SUSD3: variants seen among roughly 807,000 people sequenced by gnomAD.
SUSD3 encodes the protein sushi domain-containing protein 3.
SUSD3 carries 18 observed loss-of-function variants against 20.6 expected under a neutral mutation model. The ratio of observed to expected loss-of-function variants is 0.87; its 90% confidence interval spans 0.60 to 1.30. The LOEUF is 1.30. Ranked by LOEUF, SUSD3 falls within the 50% of genes most tolerant of loss-of-function variation. The pLI, the probability that SUSD3 is intolerant of heterozygous loss-of-function variation, is 0.00. For synonymous variants in SUSD3, 137 were observed against 141.5 expected (o/e 0.97, Z 0.23); for missense variants, 306 against 346.9 (o/e 0.88, Z 0.94).
At chr9:93,060,814 G>A (rs942149985) in intron 1 of SUSD3, among the ~76,000 whole-genome samples, 1 of 152,178 alleles carries the variant, frequency 6.6e-6, no homozygotes. Flanking sequence ...TCCACCCTGG[G>A]CAACAGAGCG....
intron 1 of SUSD3, among the ~76,000 whole-genome samples, chr9:93,060,732 A>G (rs1825472302): frequency 6.6e-6 from 1 of 152,032 alleles, no homozygotes; most frequent in African/African-American, 2.4e-5. Context: ...GCTATTCGGG[A>G]GGCTGAAAGG....
At chr9:93,070,220 C>T (rs187910596) in intron 1 of SUSD3, among the ~76,000 whole-genome samples, 2 of 152,242 alleles carry the variant, frequency 1.3e-5, no homozygotes, top group Non-Finnish European at 2.9e-5. Context: ...TCTTAGACAC[C>T]GCATCTAGTG....
intron 1 of SUSD3, among the ~76,000 whole-genome samples, chr9:93,065,893 C>T (rs1825691049): frequency 6.6e-6 from 1 of 152,236 alleles, no homozygotes; most frequent in African/African-American, 2.4e-5. Flanking sequence ...AATTCAAGTC[C>T]TAGCTGTGCC....
chr9:93,083,517 A>G (rs374393291), intron 4 of SUSD3, among the ~76,000 whole-genome samples: 2 of 152,320 alleles, frequency 1.3e-5, no homozygotes, highest in East Asian at 1.9e-4. Context: ...AGCACTTGCA[A>G]TGTGCCAGGC....
At chr9:93,083,519 G>T (rs1164162022) in intron 4 of SUSD3, among the ~76,000 whole-genome samples, 6 of 152,234 alleles carry the variant, frequency 3.9e-5, no homozygotes, top group African/African-American at 1.4e-4. Context: ...CACTTGCAAT[G>T]TGCCAGGCAC....
At chr9:93,061,512 C>A (rs528816220) in intron 1 of SUSD3, among the ~76,000 whole-genome samples, 6 of 152,384 alleles carry the variant, frequency 3.9e-5, no homozygotes, top group African/African-American at 1.4e-4. Context: ...GGATTGTGTG[C>A]TTTCCACATC....
At chr9:93,081,816 CCT>C (rs1826427315) in intron 4 of SUSD3, among the ~76,000 whole-genome samples, 1 of 152,162 alleles carries the variant, frequency 6.6e-6, no homozygotes, top group African/African-American at 2.4e-5. Context: ...GGCTATCATT[CCT>C]TACAGCAGCC....
At chr9:93,065,952 A>G (rs1337151216) in intron 1 of SUSD3, among the ~76,000 whole-genome samples, 1 of 152,218 alleles carries the variant, frequency 6.6e-6, no homozygotes, top group African/African-American at 2.4e-5. Context: ...CCAGGGTTAT[A>G]GGAAATAGCC....
At chr9:93,062,599 C>T (rs949989156) in intron 1 of SUSD3, among the ~76,000 whole-genome samples, 2 of 152,124 alleles carry the variant, frequency 1.3e-5, no homozygotes, top group African/African-American at 2.4e-5. Flanking sequence ...GGGCCATCTG[C>T]AGGCAGCTGG....
chr9:93,077,784 C>T, intron 2 of SUSD3, 62 bp from the exon 3 acceptor site: 1 of 1,601,886 alleles, frequency 6.2e-7, no homozygotes, highest in Non-Finnish European at 8.5e-7. Flanking sequence ...AGACCCCCAA[C>T]CCCTGGGCCA....
intron 3 of SUSD3, among the ~76,000 whole-genome samples, chr9:93,078,340 C>T (rs1826260816): frequency 6.6e-6 from 1 of 152,268 alleles, no homozygotes; most frequent in African/African-American, 2.4e-5. Flanking sequence ...CTCACTGCAA[C>T]CTCCGCCTCC....
At chr9:93,059,742 A>C (rs1825436248) in intron 1 of SUSD3, among the ~76,000 whole-genome samples, 1 of 152,156 alleles carries the variant, frequency 6.6e-6, no homozygotes, top group Non-Finnish European at 1.5e-5. Context: ...CTGCAGCCCC[A>C]GGGAACTGGC....
In SUSD3 at chr9:93,084,741, A is replaced by C; in HGVS notation, c.762A>C (p.Leu254=). 6.6e-7 allele frequency: 1 copy of C among 1,521,124 alleles called. No individual in the cohort carries two copies. The highest frequency in any genetic ancestry group is 8.8e-7 in the Non-Finnish European group (1 of 1,132,204). The allele number at this position is 1,521,124 out of a possible 1,614,324, so 94.2% of individuals were successfully genotyped here. A position where few individuals can be genotyped will look rare whatever the true frequency, so the allele number is the denominator to read the frequency against. The change falls in exon 5 of 5, where the codon CTA becomes CTC. Residue 254 remains leucine, a synonymous_variant. Transcript: ENST00000375472. ...GMPQQPAAYA[L]G is the part of the protein sequence containing the mutation. ...CACAACAGCCCGCAGCATATGCCCT[A>C]GGGTGACCACGCAGTGAGGCTGGTG...
At chr9:93,061,578 C>T (rs1040882100) in intron 1 of SUSD3, among the ~76,000 whole-genome samples, 12 of 152,384 alleles carry the variant, frequency 7.9e-5, no homozygotes, top group African/African-American at 2.9e-4. Context: ...GCTCTGAAGC[C>T]TGTGCTCACC....
Position 93,058,730 on chromosome 9 carries a change from C to G in SUSD3, c.-13C>G, listed in dbSNP as rs1231377326. ...CCCTGGCAGACCCCGCCAAGCGCCT[C>G]GGAGCGCGCAGGATGCGCTGGGCGG... On this transcript the variant is annotated 5_prime_UTR_variant, in exon 1 of 5. Coordinates refer to ENST00000375472, the MANE Select transcript of SUSD3 (RefSeq NM_145006.4). 2.4e-6 allele frequency: 3 copies of G among 1,231,550 alleles called. No homozygotes were observed. The East Asian group carries it at 9.5e-5, about 39-fold the overall frequency. 76.3% of individuals were successfully genotyped at this position (1,231,550 alleles called of 1,614,324 possible).
At chr9:93,078,137 TC>T (rs371433538) in intron 3 of SUSD3, 144 bp downstream of exon 3, 22 of 1,168,232 alleles carry the variant, frequency 1.9e-5, no homozygotes, top group African/African-American at 4.6e-5. Flanking sequence ...GGCCTGCGTC[TC>T]CCCCCCAAGT....
chr9:93,070,645 C>T (rs117076370), intron 1 of SUSD3, among the ~76,000 whole-genome samples: 3,138 of 152,346 alleles, frequency 0.021, 57 homozygotes, highest in Non-Finnish European at 0.033. Context: ...GCACAACCAC[C>T]TTCCAGATGC....
At position 93,058,701 on chromosome 9, in the gene SUSD3, A is replaced by C; in HGVS notation, c.-42A>C. 1 of 1,171,314 alleles carries C rather than the reference A, an allele frequency of 8.5e-7. No homozygotes were observed. The highest frequency in any genetic ancestry group is 1.1e-6 in the Non-Finnish European group (1 of 933,672). 72.6% of individuals were successfully genotyped at this position (1,171,314 alleles called of 1,614,324 possible). A position where few individuals can be genotyped will look rare whatever the true frequency, so the allele number is the denominator to read the frequency against. On this transcript the variant is annotated 5_prime_UTR_variant, in exon 1 of 5. Coordinates refer to ENST00000375472, the MANE Select transcript of SUSD3 (RefSeq NM_145006.4). ...GGCCCCGCCCCCACAAGCCGGGCTC[A>C]CTCCCCTGGCAGACCCCGCCAAGCG...
At chr9:93,084,102 GC>G (rs1175146566) in intron 4 of SUSD3, among the ~76,000 whole-genome samples, 4 of 152,050 alleles carry the variant, frequency 2.6e-5, no homozygotes, top group South Asian at 2.1e-4. Context: ...CCAGCTCCTG[GC>G]TACCAAAGAG....
Sources: allele counts gnomAD v4.1 joint callset (sites outside exome capture counted in the v4.1 genomes callset), GRCh38; gene constraint gnomAD v4.1.1; transcripts MANE v1.5; gene names NCBI Gene and HGNC (gene_info 2026-07-23, HGNC 2026-07-21).